Variants in IL1RAPL1 observed in about 807,000 individuals in gnomAD.
IL1RAPL1 encodes the protein interleukin 1 receptor accessory protein like 1.
In IL1RAPL1, 3 loss-of-function variants were observed where a neutral mutation model predicts 48.4. That is an observed-to-expected ratio of 0.06 (90% CI 0.03 to 0.16). IL1RAPL1 has a LOEUF of 0.16. Ranked by LOEUF, IL1RAPL1 falls within the 10% of genes least tolerant of loss-of-function variation. The pLI is 1.00. For missense variants in IL1RAPL1, 349 were observed against 530.6 expected (o/e 0.66, Z 3.36); for synonymous variants, 185 against 187.7 (o/e 0.99, Z 0.12).
intron 2 of IL1RAPL1, among the ~76,000 whole-genome samples, chrX:28,875,460 A>G (rs1041349924): frequency 8.9e-6 from 1 of 112,505 alleles, no homozygotes; most frequent in Non-Finnish European, 1.9e-5. Context: ...GCTAAAACTG[A>G]AAAAACAAAA....
At chrX:28,978,037 G>A (rs1325044487) in intron 2 of IL1RAPL1, among the ~76,000 whole-genome samples, 1 of 112,434 alleles carries the variant, frequency 8.9e-6, no homozygotes, top group African/African-American at 3.2e-5. Flanking sequence ...ACAAAGAAAT[G>A]GAGCTGAAAC....
chrX:29,382,044 C>T (rs909759501), intron 3 of IL1RAPL1, among the ~76,000 whole-genome samples: 1 of 108,651 alleles, frequency 9.2e-6, no homozygotes. Flanking sequence ...CCAAGGTAGT[C>T]AATTTACAGT....
intron 1 of IL1RAPL1, among the ~76,000 whole-genome samples, chrX:28,600,591 T>C (rs770864281): frequency 1.9e-4 from 21 of 110,463 alleles, no homozygotes; most frequent in Middle Eastern, 4.8e-3. Flanking sequence ...AGACAATTGT[T>C]TGGGTTGTAC....
chrX:29,046,430 G>T (rs190686548), intron 2 of IL1RAPL1, among the ~76,000 whole-genome samples: 1 of 111,286 alleles, frequency 9.0e-6, no homozygotes, highest in East Asian at 2.8e-4. Flanking sequence ...AGCAACACAT[G>T]TTTATTAAGC....
intron 2 of IL1RAPL1, among the ~76,000 whole-genome samples, chrX:28,923,152 C>G (rs1004093379): frequency 2.7e-5 from 3 of 111,478 alleles, no homozygotes; most frequent in African/African-American, 9.8e-5. Flanking sequence ...AATGGTACAC[C>G]TAAGATTTGT....
At chrX:29,905,067 G>T (rs1247206124) in intron 6 of IL1RAPL1, among the ~76,000 whole-genome samples, 1 of 112,118 alleles carries the variant, frequency 8.9e-6, no homozygotes, top group Non-Finnish European at 1.9e-5. Context: ...TCGCCATTCT[G>T]AATGGTGTGA....
chrX:29,165,867 C>T lies in IL1RAPL1; in HGVS notation c.83-117071C>T, dbSNP rs770303007. 2.2e-3 allele frequency among the ~76,000 whole-genome samples: 247 copies of T among 111,880 alleles called. 1 individual carries two copies. Among genetic ancestry groups the T allele is most frequent in the Non-Finnish European group, 3.6e-3 (193 of 53,153 alleles). On this transcript the variant is annotated intron_variant, in intron 2 of 10. Coordinates refer to ENST00000378993, the MANE Select transcript of IL1RAPL1 (RefSeq NM_014271.4). The stretch of plus-strand genomic sequence containing the variant: ...CTACAGGCATTTTGAAGAAGCACTT[C>T]CTACACACTACTATATACCTTGAAT...
At chrX:28,838,029 C>G (rs1921270869) in intron 2 of IL1RAPL1, among the ~76,000 whole-genome samples, 1 of 109,858 alleles carries the variant, frequency 9.1e-6, no homozygotes, top group Non-Finnish European at 1.9e-5. Context: ...TTTGAGTGTT[C>G]ATGGATTCAT....
chrX:29,195,912 T>A, intron 2 of IL1RAPL1, among the ~76,000 whole-genome samples: 1 of 111,460 alleles, frequency 9.0e-6, no homozygotes, highest in South Asian at 3.8e-4. Context: ...TGTAGAAATT[T>A]ACACTCTGAA....
chrX:29,092,949 A>T (rs1010825997), intron 2 of IL1RAPL1, among the ~76,000 whole-genome samples: 2 of 112,170 alleles, frequency 1.8e-5, no homozygotes, highest in Admixed American at 1.9e-4. Context: ...TCAAGAGGCC[A>T]TTTGAAGCTT....
intron 1 of IL1RAPL1, among the ~76,000 whole-genome samples, chrX:28,714,102 C>A (rs1373866168): frequency 8.9e-6 from 1 of 111,906 alleles, no homozygotes; most frequent in Non-Finnish European, 1.9e-5. Flanking sequence ...GATTATTTTA[C>A]AAATACTTTA....
chrX:29,907,014 A>C (rs139354679), intron 6 of IL1RAPL1, among the ~76,000 whole-genome samples: 403 of 111,611 alleles, frequency 3.6e-3, no homozygotes, highest in African/African-American at 0.012. Flanking sequence ...ACTGATATGA[A>C]AGTTAGTGGA....
chrX:28,659,390 C>T (rs1205864373), intron 1 of IL1RAPL1: 3 of 543,020 alleles, frequency 5.5e-6, no homozygotes, highest in East Asian at 6.8e-5. Flanking sequence ...CGCACTCTTG[C>T]AAGCGGCTTT....
At chrX:28,823,606 T>TG (rs1285126133) in intron 2 of IL1RAPL1, among the ~76,000 whole-genome samples, 1 of 111,541 alleles carries the variant, frequency 9.0e-6, no homozygotes, top group East Asian at 2.8e-4. Flanking sequence ...AAGTCCAAAA[T>TG]GGGGTATATG....
chrX:28,801,513 A>G (rs1936675622), intron 2 of IL1RAPL1, among the ~76,000 whole-genome samples: 2 of 111,761 alleles, frequency 1.8e-5, no homozygotes, highest in African/African-American at 6.5e-5. Context: ...GTTAATCTTC[A>G]TGTTAAGTAT....
chrX:29,539,507 C>G (rs1420267336), intron 5 of IL1RAPL1, among the ~76,000 whole-genome samples: 1 of 111,013 alleles, frequency 9.0e-6, no homozygotes, highest in Non-Finnish European at 1.9e-5. Context: ...GGATCTATGT[C>G]CCCACCCAAA....
intron 2 of IL1RAPL1, among the ~76,000 whole-genome samples, chrX:29,005,202 A>G (rs1286776566): frequency 4.5e-5 from 5 of 112,182 alleles, no homozygotes; most frequent in Non-Finnish European, 9.4e-5. Flanking sequence ...ATTTACTCAC[A>G]TGATCTACTA....
intron 5 of IL1RAPL1, among the ~76,000 whole-genome samples, chrX:29,443,442 A>G (rs1413655884): frequency 3.6e-5 from 4 of 111,369 alleles, no homozygotes; most frequent in Non-Finnish European, 5.7e-5. Context: ...GTCATCTTCC[A>G]GCTCTATTAT....
rs751779714 is a variant in IL1RAPL1 at position 28,820,162 on chromosome X, AATGT to A, written c.82+30741_82+30744del. Among the ~76,000 whole-genome samples the A allele has an allele frequency of 1.2e-4, 13 of 106,938 alleles. No homozygotes were observed. The East Asian group carries it at 3.9e-3, about 32-fold the overall frequency. The allele number at this position is 106,938 out of a possible 115,157, so 92.9% of individuals were successfully genotyped here. A position where few individuals can be genotyped will look rare whatever the true frequency, so the allele number is the denominator to read the frequency against. ...AAAATGATGAAAACAAAATCTACAAAATGTATGAAGATAACCATTTGGGGGTTTT... is the reference window on the plus strand; with the variant it reads ...AAAATGATGAAAACAAAATCTACAAAATGAAGATAACCATTTGGGGGTTTT... On this transcript the variant is annotated intron_variant, in intron 2 of 10. Transcript: ENST00000378993.
Sources: gnomAD v4.1 joint callset for allele counts (sites outside exome capture counted in the v4.1 genomes callset) on GRCh38, gnomAD v4.1.1 for gene constraint, MANE v1.5 for transcripts, NCBI Gene and HGNC (gene_info 2026-07-23, HGNC 2026-07-21) for gene names.